ADAM23: variants seen among roughly 807,000 people sequenced by gnomAD.
The protein encoded by ADAM23 is disintegrin and metalloproteinase domain-containing protein 23.
In ADAM23, 33 loss-of-function variants were observed where a neutral mutation model predicts 120.1. The ratio of observed to expected loss-of-function variants is 0.27; its 90% CI spans 0.21 to 0.37. ADAM23 has a LOEUF of 0.37. Ranked by LOEUF, ADAM23 falls within the 10% of genes least tolerant of loss-of-function variation. The pLI, the probability that ADAM23 is intolerant of heterozygous loss-of-function variation, is 1.00. For synonymous variants in ADAM23, 367 were observed against 375.2 expected (o/e 0.98, Z 0.25); for missense variants, 862 against 1,058.2 (o/e 0.81, Z 2.57).
At chr2:206,616,594 G>T (rs1406900266) in intron 25 of ADAM23, among the ~76,000 whole-genome samples, 1 of 152,082 alleles carries the variant, frequency 6.6e-6, no homozygotes, top group Non-Finnish European at 1.5e-5. Flanking sequence ...TTGTGGGGGA[G>T]GAGGAATATA....
rs750124100 is a variant in ADAM23 at position 206,588,191 on chromosome 2, C to T, written c.1852+37C>T. On this transcript the variant is annotated intron_variant, in intron 20 of 25. Transcript: ENST00000264377. ...CTCCTTGCTTGGCGGTTACACATAC[C>T]ATTTTCTCTTAATAGTGTTCTTCTC... The T allele has an allele frequency of 4.4e-6, 7 of 1,601,940 alleles. No individual in the cohort carries two copies. The South Asian group carries it at 6.6e-5, about 15-fold the overall frequency.
intron 3 of ADAM23, among the ~76,000 whole-genome samples, chr2:206,499,376 A>G (rs978992125): frequency 6.2e-4 from 93 of 151,140 alleles, no homozygotes; most frequent in Non-Finnish European, 1.1e-3. Flanking sequence ...CATCATTCTC[A>G]GCAAACTATC....
chr2:206,581,179 T>C (rs1698212833), intron 18 of ADAM23, among the ~76,000 whole-genome samples: 1 of 152,180 alleles, frequency 6.6e-6, no homozygotes, highest in South Asian at 2.1e-4. Flanking sequence ...TTGTTTCATT[T>C]ATCTTATGTA....
At chr2:206,541,544 T>C (rs903154872) in intron 4 of ADAM23, among the ~76,000 whole-genome samples, 2 of 152,156 alleles carry the variant, frequency 1.3e-5, no homozygotes, top group Admixed American at 1.3e-4. Context: ...CAAAGGAAAC[T>C]GCTGTGTTTT....
Position 206,589,467 on chromosome 2 carries a change from G to A in ADAM23, c.1911G>A (p.Lys637=). 1.2e-6 allele frequency: 2 copies of A among 1,613,888 alleles called. No homozygotes were observed. The highest frequency in any genetic ancestry group is 2.2e-5 in the South Asian group (2 of 91,000). The change falls in exon 21 of 26, where the codon AAG becomes AAA. Residue 637 remains lysine, a synonymous_variant. Coordinates refer to ENST00000264377, the MANE Select transcript of ADAM23 (RefSeq NM_003812.4). The part of the protein sequence containing the change: ...YEKLNTEGTE[K]GNCGKDGDRW... ...AGCTGAATACAGAAGGCACTGAGAA[G>A]GGAAACTGCGGGAAGGATGGAGACC...
rs1382724363 is a variant in ADAM23 at position 206,543,427 on chromosome 2, C to T, written c.720+111C>T. The T allele has an allele frequency of 3.3e-6, 3 of 902,310 alleles. No homozygotes were observed. The African/African-American group carries it at 5.1e-5, about 15-fold the overall frequency. The allele number at this position is 902,310 out of a possible 1,614,324, so 55.9% of individuals were successfully genotyped here. ...TTCAAAGTGCCTTTGTACATGTTAA[C>T]TTATTTCAAACTTAGAGTAGTACCC... On this transcript the variant is annotated intron_variant, in intron 6 of 25. Transcript: ENST00000264377.
At chr2:206,481,347 A>G (rs1695892794) in intron 3 of ADAM23, 39 bp downstream of exon 3, 2 of 1,463,180 alleles carry the variant, frequency 1.4e-6, no homozygotes, top group East Asian at 2.4e-5. Flanking sequence ...AAGCAGGTGC[A>G]ATAAAGCTTT....
intron 24 of ADAM23, chr2:206,608,092 A>G (rs1442932509): frequency 5.8e-6 from 2 of 346,564 alleles, no homozygotes; most frequent in East Asian, 1.8e-4. Flanking sequence ...TGTAAGTAGA[A>G]TAAAGTTTCT....
intron 2 of ADAM23, among the ~76,000 whole-genome samples, chr2:206,461,063 C>CTTTTT (rs565925215): frequency 7.3e-6 from 1 of 137,080 alleles, no homozygotes; most frequent in Non-Finnish European, 1.6e-5. Flanking sequence ...TTTTCTTCTT[C>CTTTTT]TTTTTTTTTT....
rs753336385 is a variant in ADAM23, at chr2:206,560,034, C to G, written c.1085C>G (p.Thr362Ser). The G allele has an allele frequency of 6.2e-7, 1 of 1,614,146 alleles. No homozygotes were observed. The highest frequency in any genetic ancestry group is 1.1e-5 in the South Asian group (1 of 91,082). ...TWTEKDQIDI[T>S]TNPVQMLHEF... ...ACTGAGAAGGATCAGATTGACATCACCACCAACCCTGTGCAGATGCTCCAT... is the reference window on the plus strand; with the variant it reads ...ACTGAGAAGGATCAGATTGACATCAGCACCAACCCTGTGCAGATGCTCCAT... The change falls in exon 11 of 26, where the codon ACC (threonine) becomes AGC (serine). Residue 362 changes from threonine to serine, a missense_variant. Around this residue, in one of 4 missense-constraint regions of ADAM23, gnomAD observed 617 missense variants for 813.5 expected, o/e 0.76. Coordinates refer to ENST00000264377, the MANE Select transcript of ADAM23 (RefSeq NM_003812.4).
In ADAM23 at chr2:206,445,294, C is replaced by G. The variant is rs965338069; in HGVS notation, c.215-13C>G. The G allele has an allele frequency of 6.2e-7, 1 of 1,610,180 alleles. No individual in the cohort carries two copies. The highest frequency in any genetic ancestry group is 8.5e-7 in the Non-Finnish European group (1 of 1,176,694). On this transcript the variant is annotated splice_polypyrimidine_tract_variant and intron_variant, in intron 1 of 25. Transcript: ENST00000264377. ...TTGTATTTTCTGCTCCCCCACCCCCCTACCTCCACCAGCTCCGCATTGGAA... is the reference window on the plus strand; with the variant it reads ...TTGTATTTTCTGCTCCCCCACCCCCGTACCTCCACCAGCTCCGCATTGGAA...
chr2:206,482,910 C>T (rs920335556), intron 3 of ADAM23, among the ~76,000 whole-genome samples: 5 of 152,118 alleles, frequency 3.3e-5, no homozygotes, highest in African/African-American at 7.2e-5. Flanking sequence ...GGCAAGGCCA[C>T]GTTGCAGTGT....
chr2:206,559,223 C>T (rs1220180465), intron 10 of ADAM23, among the ~76,000 whole-genome samples: 8 of 152,164 alleles, frequency 5.3e-5, no homozygotes, highest in Non-Finnish European at 1.2e-4. Flanking sequence ...GGATTACAGG[C>T]GTGAGCTACC....
At chr2:206,446,621 C>G (rs1352095782) in intron 2 of ADAM23, among the ~76,000 whole-genome samples, 1 of 152,048 alleles carries the variant, frequency 6.6e-6, no homozygotes, top group Non-Finnish European at 1.5e-5. Context: ...ATATAAAATT[C>G]AGGTGACCTG....
chr2:206,530,669 C>CTTTTTTTTTT (rs56206262), intron 3 of ADAM23, among the ~76,000 whole-genome samples: 4 of 74,812 alleles, frequency 5.3e-5, no homozygotes, highest in African/African-American at 1.0e-4. Context: ...TGTGTCTTGT[C>CTTTTTTTTTT]TTTTTTTTTT....
intron 25 of ADAM23, among the ~76,000 whole-genome samples, chr2:206,615,907 C>T (rs749662525): frequency 2.0e-5 from 3 of 152,206 alleles, no homozygotes; most frequent in Admixed American, 6.5e-5. Flanking sequence ...GGCTACTTAT[C>T]GGTCATTCCC....
At chr2:206,590,114 T>C (rs1186881481) in intron 21 of ADAM23, among the ~76,000 whole-genome samples, 2 of 152,126 alleles carry the variant, frequency 1.3e-5, no homozygotes, top group South Asian at 4.1e-4. Flanking sequence ...CTTTTTTTTT[T>C]CGAGACTGAG....
chr2:206,564,896 G>T, intron 13 of ADAM23, 124 bp from the exon 14 acceptor site: 2 of 984,318 alleles, frequency 2.0e-6, no homozygotes, highest in Non-Finnish European at 3.1e-6. Context: ...TTCACATTCC[G>T]TGTCTATTTG....
chr2:206,481,340 C>T lies in ADAM23; in HGVS notation c.509+32C>T, dbSNP rs777655737. 6.7e-6 allele frequency: 10 copies of T among 1,495,798 alleles called. No homozygotes were observed. The African/African-American group carries it at 1.3e-4, about 19-fold the overall frequency. 92.7% of individuals were successfully genotyped at this position (1,495,798 alleles called of 1,614,324 possible). ...ATTTAGACATAATCTTCTTAAGAAG[C>T]AGGTGCAATAAAGCTTTGTTTTTAT... On this transcript the variant is annotated intron_variant, in intron 3 of 25. Transcript: ENST00000264377.
Sources: allele counts gnomAD v4.1 joint callset (sites outside exome capture counted in the v4.1 genomes callset), GRCh38; gene constraint gnomAD v4.1.1; regional missense constraint gnomAD v4.1.1; transcripts MANE v1.5; gene names NCBI Gene and HGNC (gene_info 2026-07-23, HGNC 2026-07-21).